SSC4D: variants seen among roughly 807,000 people sequenced by gnomAD.
SSC4D encodes the protein scavenger receptor cysteine rich family member with 4 domains.
In SSC4D, 57 loss-of-function variants were observed where a neutral mutation model predicts 63.4. That is an observed-to-expected ratio of 0.90 (90% CI 0.73 to 1.12). SSC4D has a LOEUF of 1.12. SSC4D is among the 50% of genes most tolerant of loss of function. SSC4D has a pLI of 0.00. For synonymous variants in SSC4D, 352 were observed against 345.4 expected (o/e 1.02, Z -0.21); for missense variants, 791 against 806.4 (o/e 0.98, Z 0.23).
intron 1 of SSC4D, 121 bp from the exon 2 acceptor site, chr7:76,404,626 C>T (rs1804940979): frequency 2.6e-6 from 2 of 774,140 alleles, no homozygotes; most frequent in South Asian, 1.8e-5. Flanking sequence ...ACCCCCATCT[C>T]TACAAAAAGT....
In SSC4D at chr7:76,397,704, G is replaced by A. The variant is rs1273588925; in HGVS notation, c.682C>T (p.Arg228Cys). 1 of 1,613,348 alleles carries A rather than the reference G, an allele frequency of 6.2e-7. No individual in the cohort carries two copies. Among genetic ancestry groups the A allele is most frequent in the Non-Finnish European group, 8.5e-7 (1 of 1,179,876 alleles). The change falls in exon 6 of 11, where the codon CGT becomes TGT. Residue 228 changes from arginine to cysteine, a missense_variant. Coordinates refer to ENST00000275560, the MANE Select transcript of SSC4D (RefSeq NM_080744.2). ...ATGGCCGCCCCGCAGCCCAGCTGAC[G>A]ACAGACCACAGCGGCATCCGGCAGC... The part of the protein sequence containing the change: ...WGLPDAAVVC[R>C]QLGCGAAMAA...
At chr7:76,392,063 T>C (rs1361402539) in intron 9 of SSC4D, 22 bp from the exon 10 acceptor site, 1 of 1,556,910 alleles carries the variant, frequency 6.4e-7, no homozygotes, top group African/African-American at 1.4e-5. Flanking sequence ...AGGACAGAGA[T>C]AAAGAGGTGG....
At chr7:76,392,284 C>T (rs1804509760) in intron 9 of SSC4D, among the ~76,000 whole-genome samples, 1 of 152,094 alleles carries the variant, frequency 6.6e-6, no homozygotes, top group Admixed American at 6.5e-5. Flanking sequence ...CATGGTGGCT[C>T]ACACCTGTAA....
intron 6 of SSC4D, among the ~76,000 whole-genome samples, chr7:76,397,143 C>T (rs1804660642): frequency 6.6e-6 from 1 of 152,092 alleles, no homozygotes; most frequent in Non-Finnish European, 1.5e-5. Flanking sequence ...AGTGCAGTGG[C>T]GTCAGCTCGG....
rs1804451727 is a variant in SSC4D at position 76,389,719 on chromosome 7, G to T, written c.*340C>A. ...GAGCCCCTGAGCCTCCTGGATCTAG[G>T]TCAAGGAAGGCAGAGTCTGGTGCTA... On this transcript the variant is annotated 3_prime_UTR_variant, in exon 11 of 11. Coordinates refer to ENST00000275560, the MANE Select transcript of SSC4D (RefSeq NM_080744.2). The T allele has an allele frequency of 7.6e-6, 2 of 263,934 alleles. No individual in the cohort carries two copies. The highest frequency in any genetic ancestry group is 1.5e-5 in the Non-Finnish European group (2 of 137,228). The allele number at this position is 263,934 out of a possible 1,614,324, so 16.3% of individuals were successfully genotyped here. A position where few individuals can be genotyped will look rare whatever the true frequency, so the allele number is the denominator to read the frequency against.
intron 1 of SSC4D, among the ~76,000 whole-genome samples, chr7:76,406,368 A>G (rs1805032296): frequency 6.6e-6 from 1 of 152,190 alleles, no homozygotes; most frequent in African/African-American, 2.4e-5. Context: ...TATTTTCAAT[A>G]ATTCTTTTTA....
At chr7:76,397,435 C>G (rs956220759) in intron 6 of SSC4D, 83 bp downstream of exon 6, 2 of 1,417,368 alleles carry the variant, frequency 1.4e-6, no homozygotes, top group African/African-American at 2.9e-5. Flanking sequence ...CATCCACCTC[C>G]CCACCGAAGC....
At chr7:76,390,699 C>T (rs1804478095) in intron 10 of SSC4D, among the ~76,000 whole-genome samples, 1 of 152,180 alleles carries the variant, frequency 6.6e-6, no homozygotes, top group African/African-American at 2.4e-5. Flanking sequence ...TGCCTGTGGT[C>T]CCAGCTACTT....
At chr7:76,405,961 C>T (rs962602339) in intron 1 of SSC4D, among the ~76,000 whole-genome samples, 18 of 145,168 alleles carry the variant, frequency 1.2e-4, no homozygotes, top group African/African-American at 4.7e-4. Context: ...TTCCTTCCTT[C>T]CTTCTTCCTT....
At chr7:76,394,819 AAT>A (rs1563681000) in intron 7 of SSC4D, among the ~76,000 whole-genome samples, 1 of 139,282 alleles carries the variant, frequency 7.2e-6, no homozygotes, top group Admixed American at 7.1e-5. Context: ...ATATGTGTAT[AAT>A]ATATATGATA....
At chr7:76,394,827 T>TGATATATATTATATATAA (rs1804598628) in intron 7 of SSC4D, among the ~76,000 whole-genome samples, 1 of 140,568 alleles carries the variant, frequency 7.1e-6, no homozygotes, top group African/African-American at 2.9e-5. Context: ...ATAATATATA[T>TGATATATATTATATATAA]GATATATATT....
Position 76,393,385 on chromosome 7 carries a change from ACC to A in SSC4D, c.1333+18_1333+19del, listed in dbSNP as rs781704924. 11 of 1,335,172 alleles carry A rather than the reference ACC, an allele frequency of 8.2e-6. No homozygotes were observed. The highest frequency in any genetic ancestry group is 7.7e-6 in the Non-Finnish European group (8 of 1,039,824). 82.7% of individuals were successfully genotyped at this position (1,335,172 alleles called of 1,614,324 possible). On this transcript the variant is annotated intron_variant, in intron 9 of 10. Coordinates refer to ENST00000275560, the MANE Select transcript of SSC4D (RefSeq NM_080744.2). ...AGTGCGCGGCCCCGCTGTCAGCCTC[ACC>A]TTCGCTGTCAGCCTCACCTGCGCAG...
At chr7:76,403,347 C>CTTTTTT (rs766899317) in intron 2 of SSC4D, among the ~76,000 whole-genome samples, 1 of 149,528 alleles carries the variant, frequency 6.7e-6, no homozygotes. Flanking sequence ...GACTCCACTT[C>CTTTTTT]TTTTTTTTGA....
At position 76,390,380 on chromosome 7, in the gene SSC4D, G is replaced by A. The variant is rs192608550; in HGVS notation, c.1412-5C>T. The stretch of plus-strand genomic sequence containing the variant: ...CATTGACCAGACGTAGATGCCCTGT[G>A]GGGGGACAGGGCTGGGTTGGAAGGG... On this transcript the variant is annotated splice_polypyrimidine_tract_variant and splice_region_variant and intron_variant, in intron 10 of 10. Transcript: ENST00000275560. 1.8e-5 allele frequency: 29 copies of A among 1,570,202 alleles called. No individual in the cohort carries two copies. The highest frequency in any genetic ancestry group is 2.7e-5 in the African/African-American group (2 of 74,242).
At chr7:76,393,332 T>G (rs1455874738) in intron 9 of SSC4D, 73 bp downstream of exon 9, 1 of 1,274,590 alleles carries the variant, frequency 7.8e-7, no homozygotes, top group East Asian at 3.2e-5. Context: ...GCCTCGCGCG[T>G]GGCGCCGCCC....
chr7:76,405,305 A>G lies in SSC4D; in HGVS notation c.-66-800T>C, dbSNP rs58721803. Among the ~76,000 whole-genome samples the G allele has an allele frequency of 2.2e-3, 100 of 45,024 alleles. 1 individual carries two copies. Among genetic ancestry groups the G allele is most frequent in the African/African-American group, 0.013 (99 of 7,832 alleles). 29.5% of individuals were successfully genotyped at this position (45,024 alleles called of 152,430 possible). On this transcript the variant is annotated intron_variant, in intron 1 of 10. Transcript: ENST00000275560. ...TATATATATATATATATATATATAT[A>G]TATATATATATGTATTTTTTTCTTT...
chr7:76,393,347 C>T, intron 9 of SSC4D, 58 bp downstream of exon 9: 1 of 1,295,278 alleles, frequency 7.7e-7, no homozygotes, highest in Non-Finnish European at 9.8e-7. Flanking sequence ...CCGCCCCGCC[C>T]CTCCCACGCC....
rs780528951 is a variant in SSC4D, at chr7:76,393,801, C to T, written c.1021+29G>A. 8.5e-6 allele frequency: 12 copies of T among 1,418,028 alleles called. No homozygotes were observed. The African/African-American group carries it at 1.4e-4, about 17-fold the overall frequency. 87.8% of individuals were successfully genotyped at this position (1,418,028 alleles called of 1,614,324 possible). A position where few individuals can be genotyped will look rare whatever the true frequency, so the allele number is the denominator to read the frequency against. On this transcript the variant is annotated intron_variant, in intron 8 of 10. Transcript: ENST00000275560. ...GAGCCCCAGCCCTACCCTTCCCCAT[C>T]CCCCGCAGACCCAGGCACCGCCACT...
At position 76,404,386 on chromosome 7, in the gene SSC4D, C is replaced by T; in HGVS notation, c.54G>A (p.Trp18Ter). 4 of 1,613,976 alleles carry T rather than the reference C, an allele frequency of 2.5e-6. No homozygotes were observed. The highest frequency in any genetic ancestry group is 2.5e-6 in the Non-Finnish European group (3 of 1,179,972). ...LIGPQLDEKRWGWRLGDGSAA... is the reference protein window; with the variant it reads ...LIGPQLDEKR ...CACTCCCATCTCCCAACCTCCACCC[C>T]CAGCGCTTCTCATCCAGCTGGGGAC... The change falls in exon 2 of 11, where the codon TGG becomes TGA. Residue 18 changes from tryptophan to a stop codon, truncating the protein, a stop_gained. Coordinates refer to ENST00000275560, the MANE Select transcript of SSC4D (RefSeq NM_080744.2). LOFTEE classifies it high-confidence loss of function.
Sources: gnomAD v4.1 joint callset for allele counts (sites outside exome capture counted in the v4.1 genomes callset) on GRCh38, gnomAD v4.1.1 for gene constraint, MANE v1.5 for transcripts, NCBI Gene and HGNC (gene_info 2026-07-23, HGNC 2026-07-21) for gene names.